THOP1: variants seen among roughly 807,000 people sequenced by gnomAD.
The protein encoded by THOP1 is thimet oligopeptidase.
Under a neutral mutation model 71.8 loss-of-function variants are expected in THOP1, and 49 were observed. The observed-to-expected ratio is 0.68, with a 90% confidence interval of 0.54 to 0.87. The LOEUF is 0.87. Among genes scored for constraint, THOP1 ranks in the 40% least tolerant of loss-of-function variants. The pLI, the probability that THOP1 is intolerant of heterozygous loss-of-function variation, is 0.00. For synonymous variants in THOP1, 426 were observed against 421.5 expected (o/e 1.01, Z -0.13); for missense variants, 843 against 975.6 (o/e 0.86, Z 1.81).
At chr19:2,787,405 G>T (rs977242115) in intron 1 of THOP1, among the ~76,000 whole-genome samples, 2 of 152,178 alleles carry the variant, frequency 1.3e-5, no homozygotes, top group African/African-American at 4.8e-5. Context: ...GGCACAATCA[G>T]TAAATATTTA....
rs1408188267 is a variant in THOP1 at position 2,810,684 on chromosome 19, G to A, written c.1687G>A (p.Ala563Thr). 2 of 1,569,010 alleles carry A rather than the reference G, an allele frequency of 1.3e-6. No homozygotes were observed. The highest frequency in any genetic ancestry group is 8.6e-7 in the Non-Finnish European group (1 of 1,156,686). ...GATCGTCCTCGCCAAGGTGGACCAGGCCCTGCACACGCAGACGGACGCAGA... is the reference window on the plus strand; with the variant it reads ...GATCGTCCTCGCCAAGGTGGACCAGACCCTGCACACGCAGACGGACGCAGA... The part of the protein sequence containing the change: ...RQIVLAKVDQ[A>T]LHTQTDADPA... Residue 563 changes from alanine (A) to threonine (T), a missense_variant, in exon 11 of 13, where the codon GCC becomes ACC. Coordinates refer to ENST00000307741, the MANE Select transcript of THOP1 (RefSeq NM_003249.5).
chr19:2,811,974 C>T (rs892515482), intron 12 of THOP1: 15 of 1,096,844 alleles, frequency 1.4e-5, no homozygotes, highest in African/African-American at 8.0e-5. Flanking sequence ...CCGGCCGAGG[C>T]ACCTGCTGGT....
chr19:2,810,555 A>G, intron 10 of THOP1, 65 bp downstream of exon 10: 1 of 1,525,816 alleles, frequency 6.6e-7, no homozygotes, highest in Non-Finnish European at 8.8e-7. Flanking sequence ...GGGGCCTGGC[A>G]TGTGCCCCGG....
chr19:2,786,725 A>G (rs898537120), intron 1 of THOP1, among the ~76,000 whole-genome samples: 7 of 146,538 alleles, frequency 4.8e-5, no homozygotes, highest in African/African-American at 1.6e-4. Context: ...CAGCCTCCCA[A>G]GCAGCTGGGA....
chr19:2,810,840 T>C (rs1222552484), intron 11 of THOP1, 72 bp downstream of exon 11: 2 of 1,530,992 alleles, frequency 1.3e-6, no homozygotes, highest in Admixed American at 1.9e-5. Context: ...GTGAAGGGAG[T>C]TGGTCCCCAT....
At chr19:2,794,610 G>A (rs773654103) in intron 2 of THOP1, among the ~76,000 whole-genome samples, 154 bp from the exon 3 acceptor site, 28 of 152,304 alleles carry the variant, frequency 1.8e-4, no homozygotes, top group African/African-American at 5.3e-4. Flanking sequence ...GGACGGTGGC[G>A]TGTGCCTCTA....
At position 2,807,780 on chromosome 19, in the gene THOP1, G is replaced by A. The variant is rs748851146; in HGVS notation, c.1225G>A (p.Gly409Ser). Residue 409 changes from glycine to serine, a missense_variant, in exon 8 of 13, where the codon GGC becomes AGC. Physicochemically the swap from Gly to Ser is moderately conservative, Grantham distance 56 (BLOSUM62 0). Coordinates refer to ENST00000307741, the MANE Select transcript of THOP1 (RefSeq NM_003249.5). ...GGACGCGGCCTCGGGGGAGGTGGTCGGCAAGTTCTACCTGGACCTGTACCC... is the reference window on the plus strand; with the variant it reads ...GGACGCGGCCTCGGGGGAGGTGGTCAGCAAGTTCTACCTGGACCTGTACCC... ...ARDAASGEVV[G>S]KFYLDLYPRE... 3.1e-5 allele frequency: 47 copies of A among 1,530,482 alleles called. No individual in the cohort carries two copies. The highest frequency in any genetic ancestry group is 5.8e-5 in the Admixed American group (3 of 51,534). 94.8% of individuals were successfully genotyped at this position (1,530,482 alleles called of 1,614,324 possible).
chr19:2,796,596 T>C (rs1018874836), intron 4 of THOP1, among the ~76,000 whole-genome samples: 1 of 140,410 alleles, frequency 7.1e-6, no homozygotes, highest in Non-Finnish European at 1.6e-5. Flanking sequence ...GTACTCGGCA[T>C]GGGGAGTACT....
chr19:2,811,428 G>C (rs575430705), intron 11 of THOP1, among the ~76,000 whole-genome samples, 170 bp from the exon 12 acceptor site: 1 of 152,168 alleles, frequency 6.6e-6, no homozygotes, highest in African/African-American at 2.4e-5. Context: ...CCCTCGCTTT[G>C]TGGCTGACTC....
chr19:2,794,510 G>A (rs1915964408), intron 2 of THOP1, among the ~76,000 whole-genome samples: 1 of 152,198 alleles, frequency 6.6e-6, no homozygotes, highest in Non-Finnish European at 1.5e-5. Context: ...AGGGCTTTGA[G>A]TTGAATCCTT....
intron 9 of THOP1, 83 bp from the exon 10 acceptor site, chr19:2,810,221 C>T: frequency 1.3e-6 from 2 of 1,507,022 alleles, no homozygotes; most frequent in Non-Finnish European, 1.8e-6. Flanking sequence ...CCTGTTTGCA[C>T]TGTGGCAGCT....
At chr19:2,793,054 A>C (rs1329448507) in intron 2 of THOP1, among the ~76,000 whole-genome samples, 1 of 152,074 alleles carries the variant, frequency 6.6e-6, no homozygotes, top group East Asian at 1.9e-4. Context: ...GCATGCCTGT[A>C]ATTTCAACTA....
intron 9 of THOP1, 138 bp downstream of exon 9, chr19:2,808,582 A>T (rs1362637911): frequency 2.0e-6 from 2 of 996,428 alleles, no homozygotes; most frequent in African/African-American, 3.3e-5. Flanking sequence ...ATGCCACCCA[A>T]AGATGGTGAC....
Position 2,804,726 on chromosome 19 carries a change from G to A in THOP1, c.590-290G>A, listed in dbSNP as rs1916247827. ...TGGATTTAGCTTTAACCTCTCTGGG[G>A]CAGGAGATCCTGCTCTGAGGATGCT... On this transcript the variant is annotated intron_variant, in intron 5 of 12. Coordinates refer to ENST00000307741, the MANE Select transcript of THOP1 (RefSeq NM_003249.5). The surrounding 1 kb of genome is among the most constrained non-coding windows in gnomAD (Gnocchi z 4.7). 3 of 346,306 alleles carry A rather than the reference G, an allele frequency of 8.7e-6. No individual in the cohort carries two copies. 21.5% of individuals were successfully genotyped at this position (346,306 alleles called of 1,614,324 possible).
At chr19:2,809,115 G>A (rs983674806) in intron 9 of THOP1, among the ~76,000 whole-genome samples, 1 of 152,246 alleles carries the variant, frequency 6.6e-6, no homozygotes, top group African/African-American at 2.4e-5. Flanking sequence ...AGTGCATGCA[G>A]ACCTGTCCCT....
chr19:2,812,406 C>T (rs1916500887), intron 12 of THOP1: 2 of 1,485,014 alleles, frequency 1.3e-6, no homozygotes, highest in Non-Finnish European at 1.8e-6. Flanking sequence ...CACTCAGCTG[C>T]TCCCTTTATA....
In THOP1 at chr19:2,810,704, C is replaced by T. The variant is rs186106472; in HGVS notation, c.1707C>T (p.Asp569=). The change falls in exon 11 of 13, where the codon GAC becomes GAT. Residue 569 remains aspartate, a synonymous_variant. Transcript: ENST00000307741. ...ACCAGGCCCTGCACACGCAGACGGA[C>T]GCAGACCCCGCCGAGGAGTATGCGC... ...KVDQALHTQT[D]ADPAEEYARL... is the part of the protein sequence containing the mutation. 2.7e-5 allele frequency: 43 copies of T among 1,580,432 alleles called. No individual in the cohort carries two copies. Among genetic ancestry groups the T allele is most frequent in the Admixed American group, 7.2e-5 (4 of 55,762 alleles).
At chr19:2,794,017 T>C (rs916593300) in intron 2 of THOP1, among the ~76,000 whole-genome samples, 2 of 140,958 alleles carry the variant, frequency 1.4e-5, no homozygotes, top group Non-Finnish European at 3.0e-5. Flanking sequence ...TTTTTTTTTC[T>C]TTTTTTTTCT....
At chr19:2,794,653 G>T in intron 2 of THOP1, 111 bp from the exon 3 acceptor site, 1 of 1,341,002 alleles carries the variant, frequency 7.5e-7, no homozygotes. Flanking sequence ...AGGCAGGAGA[G>T]AGTTCACGGG....
Sources: allele counts gnomAD v4.1 joint callset (sites outside exome capture counted in the v4.1 genomes callset), GRCh38; gene constraint gnomAD v4.1.1; non-coding constraint Gnocchi (gnomAD v3.1); transcripts MANE v1.5; gene names NCBI Gene and HGNC (gene_info 2026-07-23, HGNC 2026-07-21).